SORCS1: variants seen among roughly 807,000 people sequenced by gnomAD.
SORCS1 encodes the protein sortilin related VPS10 domain containing receptor 1.
A neutral mutation model predicts 146.1 loss-of-function variants in SORCS1; 60 were observed. The ratio of observed to expected loss-of-function variants is 0.41; its 90% CI spans 0.33 to 0.51. The LOEUF (loss-of-function observed/expected upper bound fraction) is 0.51, where lower values mean the gene tolerates loss of function less well. Ranked by LOEUF, SORCS1 falls within the 20% of genes least tolerant of loss-of-function variation. The pLI is 0.21. For synonymous variants in SORCS1, 637 were observed against 584.0 expected (o/e 1.09, Z -1.31); for missense variants, 1,352 against 1,487.6 (o/e 0.91, Z 1.50).
intron 3 of SORCS1, among the ~76,000 whole-genome samples, chr10:106,813,938 G>A (rs934123790): frequency 3.3e-5 from 5 of 152,174 alleles, no homozygotes; most frequent in African/African-American, 1.2e-4. Context: ...AGGCTACAGA[G>A]TGAGACATTG....
At chr10:107,158,236 C>T (rs1161470211) in intron 1 of SORCS1, among the ~76,000 whole-genome samples, 2 of 152,132 alleles carry the variant, frequency 1.3e-5, no homozygotes, top group Non-Finnish European at 2.9e-5. Flanking sequence ...TCCTACTGGG[C>T]TTGGAATGTA....
At chr10:107,180,399 G>A in the SORCS1 span, among the ~76,000 whole-genome samples, 1 of 152,034 alleles carries the variant, frequency 6.6e-6, no homozygotes, top group East Asian at 1.9e-4. Context: ...CTGGGCTTAG[G>A]TCAAACTTAT....
chr10:107,114,983 C>T (rs1804741366), intron 1 of SORCS1, among the ~76,000 whole-genome samples: 1 of 151,864 alleles, frequency 6.6e-6, no homozygotes, highest in South Asian at 2.1e-4. Context: ...AATTGAGATA[C>T]AGAAATTGAG....
rs1955168668 is a variant in SORCS1 at position 106,960,428 on chromosome 10, T to C, written c.559-3848A>G. On this transcript the variant is annotated intron_variant, in intron 1 of 25. Coordinates refer to ENST00000263054, the MANE Select transcript of SORCS1 (RefSeq NM_052918.5). This position sits in a 1 kb window ranked among gnomAD's most constrained non-coding sequence, Gnocchi z 4.4. The stretch of plus-strand genomic sequence containing the variant: ...TTCTTTTTCTTTTTTTTTTTTGAGA[T>C]GGAATCTCGCTCTGTCGCCAGGCTG... Among the ~76,000 whole-genome samples, 3 of 151,022 alleles carry C rather than the reference T, an allele frequency of 2.0e-5. No homozygotes were observed. The highest frequency in any genetic ancestry group is 4.4e-5 in the Non-Finnish European group (3 of 67,882).
intron 2 of SORCS1, among the ~76,000 whole-genome samples, chr10:106,906,441 G>C (rs7897316): frequency 0.075 from 11,360 of 152,172 alleles, 955 homozygotes; most frequent in African/African-American, 0.19. Context: ...TTGACTTACA[G>C]TTCCACATGA....
intron 23 of SORCS1, 97 bp from the exon 24 acceptor site, chr10:106,597,547 A>G: frequency 2.3e-6 from 2 of 863,480 alleles, no homozygotes; most frequent in Admixed American, 2.0e-5. Flanking sequence ...AGGTATCACA[A>G]TATTATACCC....
At chr10:107,034,334 A>G (rs1020234323) in intron 1 of SORCS1, among the ~76,000 whole-genome samples, 6 of 152,078 alleles carry the variant, frequency 3.9e-5, no homozygotes, top group Non-Finnish European at 5.9e-5. Context: ...AGTGTGCGTG[A>G]GAGGCATTTG....
intron 3 of SORCS1, among the ~76,000 whole-genome samples, chr10:106,784,417 A>G (rs1034611317): frequency 6.6e-6 from 1 of 151,764 alleles, no homozygotes. Context: ...AAACCTAAAC[A>G]TGGTATTTCA....
At chr10:107,071,803 A>G (rs1165112135) in intron 1 of SORCS1, among the ~76,000 whole-genome samples, 1 of 152,222 alleles carries the variant, frequency 6.6e-6, no homozygotes, top group African/African-American at 2.4e-5. Context: ...ATTGTTAACT[A>G]TTATACTATT....
intron 24 of SORCS1, among the ~76,000 whole-genome samples, chr10:106,594,073 G>C (rs1373805451): frequency 6.6e-6 from 1 of 152,188 alleles, no homozygotes; most frequent in Non-Finnish European, 1.5e-5. Context: ...TTCCCACATG[G>C]AGCTATAAAT....
At chr10:106,797,002 G>C (rs1946599219) in intron 3 of SORCS1, among the ~76,000 whole-genome samples, 1 of 152,144 alleles carries the variant, frequency 6.6e-6, no homozygotes, top group Non-Finnish European at 1.5e-5. Flanking sequence ...AGCTACTCGG[G>C]AGGCTGAGGC....
intron 1 of SORCS1, among the ~76,000 whole-genome samples, chr10:106,973,869 T>C (rs1162536339): frequency 2.0e-5 from 3 of 152,228 alleles, no homozygotes; most frequent in Non-Finnish European, 4.4e-5. Flanking sequence ...AATCACTGTT[T>C]AGCATTCTGT....
intron 5 of SORCS1, among the ~76,000 whole-genome samples, chr10:106,741,624 G>C (rs6584764): frequency 6.6e-6 from 1 of 150,958 alleles, no homozygotes; most frequent in African/African-American, 2.4e-5. Flanking sequence ...ATTATATATA[G>C]AGAGAGAGAG....
intron 2 of SORCS1, among the ~76,000 whole-genome samples, chr10:106,873,607 T>G (rs1950494509): frequency 6.6e-6 from 1 of 151,570 alleles, no homozygotes; most frequent in South Asian, 2.1e-4. Context: ...CCTGCCAAAG[T>G]CACCTACTTT....
At chr10:107,167,874 A>G (rs1317655970), upstream of SORCS1, among the ~76,000 whole-genome samples, 1 of 152,186 alleles carries the variant, frequency 6.6e-6, no homozygotes, top group East Asian at 1.9e-4. Context: ...AAAGACAAAG[A>G]ATATGAACAT....
chr10:107,017,681 C>CGT lies in SORCS1; in HGVS notation c.559-61103_559-61102dup, dbSNP rs1957957120. Among the ~76,000 whole-genome samples the CGT allele has an allele frequency of 2.0e-5, 3 of 152,074 alleles. No individual in the cohort carries two copies. The South Asian group carries it at 6.2e-4, about 32-fold the overall frequency. ...TATTTCTATATATTTTTTGAGACAG[C>CGT]GTCTCACTCTGTCACCCAGGCTGGA... On this transcript the variant is annotated intron_variant, in intron 1 of 25. Coordinates refer to ENST00000263054, the MANE Select transcript of SORCS1 (RefSeq NM_052918.5).
At chr10:107,132,125 C>T (rs1966900565) in intron 1 of SORCS1, among the ~76,000 whole-genome samples, 1 of 152,004 alleles carries the variant, frequency 6.6e-6, no homozygotes. Flanking sequence ...GTCAATTTCT[C>T]TCTCTCTCAC....
At chr10:106,985,539 C>CT (rs575357494) in intron 1 of SORCS1, among the ~76,000 whole-genome samples, 4,936 of 135,026 alleles carry the variant, frequency 0.037, 259 homozygotes, top group African/African-American at 0.11. Flanking sequence ...TTCACTTAAG[C>CT]TTTTTTTTTT....
intron 1 of SORCS1, among the ~76,000 whole-genome samples, chr10:107,156,650 T>G (rs1969304812): frequency 2.0e-5 from 3 of 152,212 alleles, no homozygotes; most frequent in African/African-American, 7.2e-5. Context: ...CTTGAGCAAG[T>G]AAAACCCATT....
Sources: gnomAD v4.1 joint callset for allele counts (sites outside exome capture counted in the v4.1 genomes callset) on GRCh38, gnomAD v4.1.1 for gene constraint, Gnocchi (gnomAD v3.1) non-coding constraint, MANE v1.5 for transcripts, NCBI Gene and HGNC (gene_info 2026-07-23, HGNC 2026-07-21) for gene names.